MACROD2: variants seen among roughly 807,000 people sequenced by gnomAD.
The protein encoded by MACROD2 is mono-ADP ribosylhydrolase 2.
Under a neutral mutation model 70.4 loss-of-function variants are expected in MACROD2, and 36 were observed. The ratio of observed to expected loss-of-function variants is 0.51; its 90% CI spans 0.39 to 0.68. The LOEUF is 0.68. MACROD2 is among the 30% of genes least tolerant of loss of function. MACROD2 has a pLI of 0.00. For missense variants in MACROD2, 496 were observed against 538.4 expected (o/e 0.92, Z 0.78); for synonymous variants, 172 against 178.8 (o/e 0.96, Z 0.30).
chr20:15,614,510 T>C (rs1049203588), intron 8 of MACROD2, among the ~76,000 whole-genome samples: 3 of 152,310 alleles, frequency 2.0e-5, no homozygotes, highest in South Asian at 2.1e-4. Flanking sequence ...CCAAGCCACA[T>C]GTTCAAGGTA....
chr20:15,345,567 A>G (rs1270811414), intron 6 of MACROD2, among the ~76,000 whole-genome samples: 1 of 152,230 alleles, frequency 6.6e-6, no homozygotes, highest in Non-Finnish European at 1.5e-5. Flanking sequence ...TCAATAGATT[A>G]TTCAGTGATA....
intron 4 of MACROD2, among the ~76,000 whole-genome samples, chr20:14,639,490 C>G (rs999811427): frequency 2.6e-5 from 4 of 152,128 alleles, no homozygotes; most frequent in African/African-American, 9.7e-5. Flanking sequence ...GTTAATCACC[C>G]CATAATCTCC....
chr20:15,122,740 C>T (rs2076039740), intron 5 of MACROD2, among the ~76,000 whole-genome samples: 1 of 152,138 alleles, frequency 6.6e-6, no homozygotes, highest in South Asian at 2.1e-4. Context: ...ACTCCACCCC[C>T]AAACTAAACA....
chr20:15,551,492 G>A (rs2048096426), intron 8 of MACROD2, among the ~76,000 whole-genome samples: 1 of 152,028 alleles, frequency 6.6e-6, no homozygotes, highest in Non-Finnish European at 1.5e-5. Context: ...ACTAAAACAT[G>A]TGCTCACGTT....
intron 2 of MACROD2, among the ~76,000 whole-genome samples, chr20:14,051,016 GTGAGAT>G (rs2053559688): frequency 6.6e-6 from 1 of 152,140 alleles, no homozygotes; most frequent in African/African-American, 2.4e-5. Flanking sequence ...AAAAAGATGA[GTGAGAT>G]TGAAATATAC....
chr20:15,228,981 A>C (rs1426924023), intron 5 of MACROD2, among the ~76,000 whole-genome samples: 2 of 152,168 alleles, frequency 1.3e-5, no homozygotes, highest in Non-Finnish European at 2.9e-5. Flanking sequence ...CTTTGTGATG[A>C]AAGTTGATTA....
At chr20:15,963,002 CT>C (rs1399356732) in intron 12 of MACROD2, among the ~76,000 whole-genome samples, 1 of 152,148 alleles carries the variant, frequency 6.6e-6, no homozygotes, top group African/African-American at 2.4e-5. Flanking sequence ...ACATTATCTG[CT>C]GGAGAGACTC....
intron 8 of MACROD2, among the ~76,000 whole-genome samples, chr20:15,764,134 G>A (rs1478336481): frequency 6.6e-6 from 1 of 152,166 alleles, no homozygotes; most frequent in African/African-American, 2.4e-5. Context: ...AGAGAAAGCT[G>A]GCTGTGCTGT....
intron 5 of MACROD2, among the ~76,000 whole-genome samples, chr20:14,747,997 T>C (rs1034856030): frequency 1.3e-5 from 2 of 152,108 alleles, no homozygotes; most frequent in Non-Finnish European, 2.9e-5. Context: ...AAATGTTTCT[T>C]TGGAGGAAGC....
chr20:15,865,292 T>A (rs1282373943), intron 9 of MACROD2, among the ~76,000 whole-genome samples: 1 of 152,164 alleles, frequency 6.6e-6, no homozygotes. Flanking sequence ...GCCACATGCA[T>A]AACTACTACA....
intron 8 of MACROD2, among the ~76,000 whole-genome samples, chr20:15,758,127 G>A (rs904023299): frequency 2.0e-5 from 3 of 151,804 alleles, no homozygotes; most frequent in Admixed American, 1.3e-4. Context: ...ATAATTGTTG[G>A]GTATTTATTA....
In MACROD2 at chr20:14,326,111, C is replaced by T. The variant is rs202177618; in HGVS notation, c.272-167368C>T. 6.2e-7 allele frequency: 1 copy of T among 1,613,854 alleles called. No individual in the cohort carries two copies. Among genetic ancestry groups the T allele is most frequent in the Non-Finnish European group, 8.5e-7 (1 of 1,179,854 alleles). On this transcript the variant is annotated intron_variant, in intron 3 of 17. Transcript: ENST00000684519. The surrounding 1 kb of genome is among the most constrained non-coding windows in gnomAD (Gnocchi z 5.5). ...GGTGAATCAGGCTCCAGGGCTGTGA[C>T]CAAGTACTCACTGCGTTCCCCTGTT...
chr20:15,882,910 G>T (rs2064775118), intron 9 of MACROD2, among the ~76,000 whole-genome samples: 1 of 151,844 alleles, frequency 6.6e-6, no homozygotes, highest in Non-Finnish European at 1.5e-5. Flanking sequence ...CATACAAGAA[G>T]ACTTCCAAGT....
intron 5 of MACROD2, among the ~76,000 whole-genome samples, chr20:14,837,430 A>T (rs1046137161): frequency 6.6e-6 from 1 of 152,084 alleles, no homozygotes; most frequent in Admixed American, 6.6e-5. Flanking sequence ...ACAACTCAAC[A>T]TTTTAGTGTT....
chr20:14,969,906 G>C, intron 5 of MACROD2, among the ~76,000 whole-genome samples: 1 of 151,962 alleles, frequency 6.6e-6, no homozygotes, highest in East Asian at 1.9e-4. Context: ...ATCTCCAAAA[G>C]GTAGCAAGAC....
chr20:15,139,141 G>C (rs1299901328), intron 5 of MACROD2, among the ~76,000 whole-genome samples: 2 of 152,256 alleles, frequency 1.3e-5, no homozygotes, highest in East Asian at 3.9e-4. Context: ...AATATCATCT[G>C]CTCATCCATG....
At chr20:14,951,035 C>G (rs530809770) in intron 5 of MACROD2, among the ~76,000 whole-genome samples, 101 of 152,138 alleles carry the variant, frequency 6.6e-4, no homozygotes, top group African/African-American at 2.2e-3. Flanking sequence ...CCAAGGCAGC[C>G]CACTCACTAC....
intron 5 of MACROD2, among the ~76,000 whole-genome samples, chr20:14,965,433 G>A (rs1005416343): frequency 1.3e-5 from 2 of 148,418 alleles, no homozygotes; most frequent in African/African-American, 5.0e-5. Flanking sequence ...CCTAGGGACG[G>A]CTAAAAGTTA....
chr20:14,236,541 A>C (rs1054327863), intron 3 of MACROD2, among the ~76,000 whole-genome samples: 7 of 152,156 alleles, frequency 4.6e-5, no homozygotes, highest in Non-Finnish European at 1.0e-4. Context: ...CGAAAATGAA[A>C]GAATCAAATT....
Sources: allele counts gnomAD v4.1 joint callset (sites outside exome capture counted in the v4.1 genomes callset), GRCh38; gene constraint gnomAD v4.1.1; non-coding constraint Gnocchi (gnomAD v3.1); transcripts MANE v1.5; gene names NCBI Gene and HGNC (gene_info 2026-07-23, HGNC 2026-07-21).